INPP4B: variants seen among roughly 807,000 people sequenced by gnomAD.
INPP4B encodes the protein inositol polyphosphate-4-phosphatase type II B.
In INPP4B, 55 loss-of-function variants were observed where a neutral mutation model predicts 122.5. That is an observed-to-expected ratio of 0.45 (90% CI 0.36 to 0.56). The LOEUF (loss-of-function observed/expected upper bound fraction) is 0.56, where lower values mean the gene tolerates loss of function less well. Among genes scored for constraint, INPP4B ranks in the 20% least tolerant of loss-of-function variants. The pLI is 0.00. For synonymous variants in INPP4B, 403 were observed against 388.7 expected (o/e 1.04, Z -0.43); for missense variants, 1,000 against 1,097.7 (o/e 0.91, Z 1.26).
In INPP4B at chr4:142,175,358, A is replaced by G. The variant is rs534186101; in HGVS notation, c.1182-1549T>C. Among the ~76,000 whole-genome samples, 14 of 148,832 alleles carry G rather than the reference A, an allele frequency of 9.4e-5. No homozygotes were observed. In the South Asian group the frequency reaches 2.9e-3, roughly 31 times the overall value. ...GAAAATTATCAGAATCTTTAAGGAA[A>G]CAATTTTTTTTTTGCAAACATATAA... On this transcript the variant is annotated intron_variant, in intron 15 of 25. Transcript: ENST00000262992.
At chr4:142,465,187 A>G (rs559923891) in intron 2 of INPP4B, among the ~76,000 whole-genome samples, 1 of 152,314 alleles carries the variant, frequency 6.6e-6, no homozygotes, top group Non-Finnish European at 1.5e-5. Flanking sequence ...TAAAGGACAA[A>G]AGTTTATGAT....
chr4:142,342,743 A>G (rs1480909913), intron 7 of INPP4B, among the ~76,000 whole-genome samples: 1 of 152,162 alleles, frequency 6.6e-6, no homozygotes, highest in African/African-American at 2.4e-5. Context: ...AAATTTTCCC[A>G]AAAAAGCATT....
At chr4:142,655,480 CT>C (rs1753951083) in intron 2 of INPP4B, among the ~76,000 whole-genome samples, 1 of 152,176 alleles carries the variant, frequency 6.6e-6, no homozygotes, top group Non-Finnish European at 1.5e-5. Context: ...CCAAAATTAT[CT>C]GTGAAATGCA....
At chr4:142,177,069 G>GACAT (rs1347637394) in intron 15 of INPP4B, among the ~76,000 whole-genome samples, 1 of 151,930 alleles carries the variant, frequency 6.6e-6, no homozygotes, top group East Asian at 1.9e-4. Context: ...ACCATGATGG[G>GACAT]ACATAATCCT....
chr4:142,803,885 C>T (rs867681010), intron 1 of INPP4B, among the ~76,000 whole-genome samples: 59 of 151,740 alleles, frequency 3.9e-4, no homozygotes, highest in African/African-American at 1.1e-3. Context: ...GGTGAAATCC[C>T]GTCTCTACTA....
intron 15 of INPP4B, among the ~76,000 whole-genome samples, chr4:142,185,746 GCAGGTGCCTGTAGT>G (rs1394219339): frequency 2.0e-5 from 3 of 151,780 alleles, no homozygotes; most frequent in Non-Finnish European, 2.9e-5. Flanking sequence ...GCGCGTGGTG[GCAGGTGCCTGTAGT>G]CCCAGCTACT....
chr4:142,739,242 C>T (rs960371879), intron 1 of INPP4B, among the ~76,000 whole-genome samples: 1 of 151,892 alleles, frequency 6.6e-6, no homozygotes, highest in African/African-American at 2.4e-5. Flanking sequence ...ATTCTAGTAC[C>T]CATATCTTGA....
At chr4:142,346,063 G>T (rs1780237294) in intron 7 of INPP4B, among the ~76,000 whole-genome samples, 1 of 151,974 alleles carries the variant, frequency 6.6e-6, no homozygotes, top group African/African-American at 2.4e-5. Flanking sequence ...CAAGGAAGTG[G>T]CATTGTAGAA....
chr4:142,468,999 A>G (rs2149662851), intron 2 of INPP4B, among the ~76,000 whole-genome samples: 1 of 152,292 alleles, frequency 6.6e-6, no homozygotes, highest in South Asian at 2.1e-4. Context: ...ATAAATGTTA[A>G]AATTAAATCT....
intron 9 of INPP4B, among the ~76,000 whole-genome samples, chr4:142,299,156 CTTT>C (rs1010706761): frequency 2.9e-5 from 3 of 104,760 alleles, no homozygotes; most frequent in African/African-American, 4.9e-5. Flanking sequence ...TTCTTTCTTT[CTTT>C]TTTTTTTTTT....
Position 142,259,869 on chromosome 4 carries a change from A to C in INPP4B, c.688+623T>G, listed in dbSNP as rs9760235. 6.5e-3 allele frequency among the ~76,000 whole-genome samples: 986 copies of C among 152,286 alleles called. 5 individuals are homozygous for C. Among genetic ancestry groups the C allele is most frequent in the African/African-American group, 0.023 (949 of 41,550 alleles). ...CCTAGGCCCACATGGGGTCAGGATC[A>C]TCAAGATGTTACTAGGCAATAGAAA... On this transcript the variant is annotated intron_variant, in intron 11 of 25. Transcript: ENST00000262992.
At chr4:142,447,796 G>A (rs1813228701) in intron 3 of INPP4B, among the ~76,000 whole-genome samples, 1 of 152,128 alleles carries the variant, frequency 6.6e-6, no homozygotes, top group African/African-American at 2.4e-5. Flanking sequence ...TGTGGCACGA[G>A]GAAAATGGTA....
chr4:142,338,106 G>A (rs897478129), intron 7 of INPP4B, among the ~76,000 whole-genome samples: 1 of 152,122 alleles, frequency 6.6e-6, no homozygotes, highest in African/African-American at 2.4e-5. Flanking sequence ...CTCTTGGTAT[G>A]TGTCTGAAAC....
rs553744031 is a variant in INPP4B, at chr4:142,359,242, C to T, written c.372+43696G>A. Among the ~76,000 whole-genome samples the T allele has an allele frequency of 2.6e-5, 4 of 151,724 alleles. No individual in the cohort carries two copies. In the East Asian group the frequency reaches 7.8e-4, roughly 30 times the overall value. Reference sequence around the variant, plus strand: ...CAAACAAACAAAAAAAAAAAACAGGCTCTGGAGCCAAACGGCCTTGGAAAA... The same window carrying T: ...CAAACAAACAAAAAAAAAAAACAGGTTCTGGAGCCAAACGGCCTTGGAAAA... On this transcript the variant is annotated intron_variant, in intron 7 of 25. Transcript: ENST00000262992.
intron 1 of INPP4B, among the ~76,000 whole-genome samples, chr4:142,753,824 G>T (rs1241465859): frequency 6.6e-6 from 1 of 151,870 alleles, no homozygotes; most frequent in Non-Finnish European, 1.5e-5. Flanking sequence ...TCATTTTTGT[G>T]CAAATTACTA....
chr4:142,337,714 AT>A (rs1777196751), intron 7 of INPP4B, among the ~76,000 whole-genome samples: 2 of 110,318 alleles, frequency 1.8e-5, no homozygotes, highest in Admixed American at 1.1e-4. Context: ...TATATTATAT[AT>A]AATATATATT....
chr4:142,038,398 CA>C (rs1252490572), intron 25 of INPP4B, among the ~76,000 whole-genome samples: 1 of 152,148 alleles, frequency 6.6e-6, no homozygotes, highest in East Asian at 1.9e-4. Context: ...GGAAATTACT[CA>C]AAAGACATAA....
intron 7 of INPP4B, among the ~76,000 whole-genome samples, chr4:142,326,589 C>T (rs137991252): frequency 1.3e-5 from 2 of 152,260 alleles, no homozygotes; most frequent in African/African-American, 4.8e-5. Flanking sequence ...TCTTTCTCTA[C>T]CACTTCAATA....
chr4:142,091,841 T>G (rs75784271), intron 23 of INPP4B, among the ~76,000 whole-genome samples: 3,932 of 152,300 alleles, frequency 0.026, 60 homozygotes, highest in Middle Eastern at 0.044. Flanking sequence ...TCAAATAGTT[T>G]CATTCTCTTA....
Sources: gnomAD v4.1 joint callset for allele counts (sites outside exome capture counted in the v4.1 genomes callset) on GRCh38, gnomAD v4.1.1 for gene constraint, MANE v1.5 for transcripts, NCBI Gene and HGNC (gene_info 2026-07-23, HGNC 2026-07-21) for gene names.